Variants in CEP55 observed in about 807,000 individuals in gnomAD.
CEP55 encodes the protein centrosomal protein 55, also known as centrosomal protein of 55 kDa.
A neutral mutation model predicts 63.2 loss-of-function variants in CEP55; 57 were observed. The observed-to-expected ratio is 0.90, with a 90% CI of 0.73 to 1.13. CEP55 has a LOEUF of 1.13. CEP55 is among the 50% of genes most tolerant of loss of function. The pLI is 0.00. For synonymous variants in CEP55, 178 were observed against 191.6 expected (o/e 0.93, Z 0.59); for missense variants, 456 against 518.9 (o/e 0.88, Z 1.18).
intron 3 of CEP55, among the ~76,000 whole-genome samples, chr10:93,503,766 A>G (rs185736078): frequency 6.6e-6 from 1 of 152,290 alleles, no homozygotes; most frequent in Admixed American, 6.5e-5. Context: ...TATCAAGTAT[A>G]CTTTTCCTAA....
intron 4 of CEP55, among the ~76,000 whole-genome samples, chr10:93,511,722 C>T (rs763169393): frequency 2.6e-5 from 4 of 151,932 alleles, no homozygotes; most frequent in East Asian, 2.0e-4. Context: ...CTTGCCTCAG[C>T]GTCCGGAGTA....
intron 3 of CEP55, among the ~76,000 whole-genome samples, chr10:93,506,708 T>C (rs1232727406): frequency 6.6e-6 from 1 of 152,132 alleles, no homozygotes; most frequent in African/African-American, 2.4e-5. Flanking sequence ...GCTGGGATTA[T>C]AGGCACAGGC....
At chr10:93,514,548 G>A (rs2057783321) in intron 4 of CEP55, among the ~76,000 whole-genome samples, 1 of 152,242 alleles carries the variant, frequency 6.6e-6, no homozygotes, top group African/African-American at 2.4e-5. Context: ...AGACCATGAT[G>A]AAAACCTAAC....
intron 8 of CEP55, among the ~76,000 whole-genome samples, chr10:93,523,733 A>G (rs1478784717): frequency 1.3e-5 from 2 of 152,174 alleles, no homozygotes; most frequent in African/African-American, 4.8e-5. Context: ...AATTATAACA[A>G]ACTGTCTCTC....
rs755478982 is a variant in CEP55, at chr10:93,503,219, C to T, written c.290C>T (p.Thr97Ile). 11 of 1,613,818 alleles carry T rather than the reference C, an allele frequency of 6.8e-6. No individual in the cohort carries two copies. The Admixed American group carries it at 1.8e-4, about 27-fold the overall frequency. Residue 97 changes from threonine to isoleucine, a missense_variant, in exon 3 of 9, where the codon ACT (threonine) becomes ATT (isoleucine). Coordinates refer to ENST00000371485, the MANE Select transcript of CEP55 (RefSeq NM_018131.5). ...GACCAACTGAAGGCCAGATATAGTA[C>T]TACCACATTGCTTGAACAGCTGGAA... ...LRDQLKARYS[T>I]TTLLEQLEET...
In CEP55 at chr10:93,516,915, C is replaced by A; in HGVS notation, c.680-20C>A. 6.7e-7 allele frequency: 1 copy of A among 1,491,518 alleles called. No individual in the cohort carries two copies. The highest frequency in any genetic ancestry group is 9.1e-7 in the Non-Finnish European group (1 of 1,099,682). 92.4% of individuals were successfully genotyped at this position (1,491,518 alleles called of 1,614,324 possible). A position where few individuals can be genotyped will look rare whatever the true frequency, so the allele number is the denominator to read the frequency against. Reference sequence around the variant, plus strand: ...ATTTATTTTATAAAGTGAGTTGTGCCGTAATGTTGTTTGTCATAGGTTATC... The same window carrying A: ...ATTTATTTTATAAAGTGAGTTGTGCAGTAATGTTGTTTGTCATAGGTTATC... On this transcript the variant is annotated intron_variant, in intron 5 of 8. Transcript: ENST00000371485.
chr10:93,512,226 CAA>C (rs554234979), intron 4 of CEP55, among the ~76,000 whole-genome samples: 1 of 120,212 alleles, frequency 8.3e-6, no homozygotes, highest in Non-Finnish European at 1.6e-5. Context: ...GACTCCGTTT[CAA>C]AAAAAAAAAA....
chr10:93,509,877 T>C (rs1383491160), intron 4 of CEP55, among the ~76,000 whole-genome samples: 1 of 152,202 alleles, frequency 6.6e-6, no homozygotes, highest in Non-Finnish European at 1.5e-5. Flanking sequence ...AAAATTGTAG[T>C]TGGAGGACTT....
intron 8 of CEP55, chr10:93,520,071 G>A (rs954184388): frequency 2.1e-6 from 1 of 470,462 alleles, no homozygotes; most frequent in African/African-American, 2.0e-5. Context: ...CTGAGCTGGG[G>A]TCAAAAGGGT....
rs1482428038 is a variant in CEP55, at chr10:93,507,021, A to G, written c.493A>G (p.Asn165Asp). Reference sequence around the variant, plus strand: ...TCCAAACTGCTTCAACTCATCAATAAATAATATTCATGAAATGGAAATACA... The same window carrying G: ...TCCAAACTGCTTCAACTCATCAATAGATAATATTCATGAAATGGAAATACA... ...VAPNCFNSSI[N>D]NIHEMEIQLK... The change falls in exon 4 of 9, where the codon AAT (asparagine) becomes GAT (aspartate). Residue 165 changes from asparagine (N) to aspartate (D), a missense_variant. By Grantham distance (23) the Asn-to-Asp change is conservative. Coordinates refer to ENST00000371485, the MANE Select transcript of CEP55 (RefSeq NM_018131.5). 1 of 1,590,078 alleles carries G rather than the reference A, an allele frequency of 6.3e-7. No homozygotes were observed. The highest frequency in any genetic ancestry group is 1.7e-5 in the Admixed American group (1 of 59,716).
chr10:93,503,462 TTTG>T, intron 3 of CEP55, 74 bp downstream of exon 3: 1 of 1,410,394 alleles, frequency 7.1e-7, no homozygotes, highest in Non-Finnish European at 9.7e-7. Context: ...GAGGAATGAG[TTTG>T]TTAAGACATG....
At chr10:93,500,347 T>C in intron 2 of CEP55, 113 bp downstream of exon 2, 1 of 916,066 alleles carries the variant, frequency 1.1e-6, no homozygotes, top group South Asian at 1.6e-5. Flanking sequence ...TCCAGTTGAT[T>C]AGTTTTGGAA....
chr10:93,497,693 G>C (rs1470119433), intron 1 of CEP55, among the ~76,000 whole-genome samples: 1 of 147,928 alleles, frequency 6.8e-6, no homozygotes, highest in Non-Finnish European at 1.5e-5. Context: ...TTAGCAGGAA[G>C]TGTAATTGGG....
intron 8 of CEP55, among the ~76,000 whole-genome samples, chr10:93,520,678 A>G (rs1043443855): frequency 1.3e-5 from 2 of 152,088 alleles, no homozygotes; most frequent in African/African-American, 4.8e-5. Flanking sequence ...TGTCTGTCCC[A>G]CTAGTACATA....
chr10:93,520,254 T>C, intron 8 of CEP55: 1 of 165,310 alleles, frequency 6.0e-6, no homozygotes, highest in Non-Finnish European at 1.3e-5. Flanking sequence ...GGTGAAACCC[T>C]GTCTCTACTA....
chr10:93,519,935 TG>T (rs1373789473), intron 8 of CEP55, 128 bp downstream of exon 8: 16 of 1,006,754 alleles, frequency 1.6e-5, no homozygotes, highest in Non-Finnish European at 2.4e-5. Context: ...GTAGAGCCTC[TG>T]CCTCATTTGA....
Position 93,518,835 on chromosome 10 carries a change from A to G in CEP55, c.994-42A>G, listed in dbSNP as rs768550948. On this transcript the variant is annotated intron_variant, in intron 6 of 8. Coordinates refer to ENST00000371485, the MANE Select transcript of CEP55 (RefSeq NM_018131.5). ...CCGTGCATCCCAGGTCAAGCCGGAA[A>G]AGGTTGGATGTGACAGCATTGGTTC... is the stretch of plus-strand genomic sequence containing the variant. 4.2e-6 allele frequency: 6 copies of G among 1,433,268 alleles called. No homozygotes were observed. The South Asian group carries it at 4.8e-5, about 12-fold the overall frequency. 88.8% of individuals were successfully genotyped at this position (1,433,268 alleles called of 1,614,324 possible).
chr10:93,526,006 C>T (rs2057917982), intron 8 of CEP55, among the ~76,000 whole-genome samples: 1 of 152,112 alleles, frequency 6.6e-6, no homozygotes, highest in African/African-American at 2.4e-5. Flanking sequence ...CTAGGCAATA[C>T]CATTCAGGAC....
rs75306417 is a variant in CEP55 at position 93,504,967 on chromosome 10, A to G, written c.459+1579A>G. Among the ~76,000 whole-genome samples the G allele has an allele frequency of 6.0e-3, 917 of 151,762 alleles. 7 individuals carry two copies. Among genetic ancestry groups the G allele is most frequent in the African/African-American group, 0.021 (858 of 41,374 alleles). On this transcript the variant is annotated intron_variant, in intron 3 of 8. Coordinates refer to ENST00000371485, the MANE Select transcript of CEP55 (RefSeq NM_018131.5). ...TTTGGGATTACAGGCACCTGCCACG[A>G]CGCCCTGCTGATTTTTGTATTATTA...
Sources: allele counts gnomAD v4.1 joint callset (sites outside exome capture counted in the v4.1 genomes callset), GRCh38; gene constraint gnomAD v4.1.1; transcripts MANE v1.5; gene names NCBI Gene and HGNC (gene_info 2026-07-23, HGNC 2026-07-21).